The following CAMTA1 variants were observed in gnomAD, a reference collection of about 807,000 sequenced individuals.
The protein encoded by CAMTA1 is calmodulin binding transcription activator 1.
A neutral mutation model predicts 170.9 loss-of-function variants in CAMTA1; 27 were observed. The observed-to-expected ratio is 0.16, with a 90% CI of 0.12 to 0.22. CAMTA1 has a LOEUF of 0.22. CAMTA1 is among the 10% of genes least tolerant of loss of function. The pLI, the probability that CAMTA1 is intolerant of heterozygous loss-of-function variation, is 1.00. For synonymous variants in CAMTA1, 833 were observed against 891.5 expected, an observed-to-expected ratio of 0.93 and a Z score of 1.17; for missense variants, 1,619 against 2,217.2, an observed-to-expected ratio of 0.73 and a Z score of 5.42.
chr1:7,277,762 C>T (rs1171698503), intron 5 of CAMTA1, among the ~76,000 whole-genome samples: 1 of 128,948 alleles, frequency 7.8e-6, no homozygotes, highest in Non-Finnish European at 1.6e-5. Context: ...CACATACACA[C>T]ACATACACAC....
At position 7,587,954 on chromosome 1, in the gene CAMTA1, A is replaced by G. The variant is rs180826341; in HGVS notation, c.511-52446A>G. On this transcript the variant is annotated intron_variant, in intron 6 of 22. Transcript: ENST00000303635. ...CCAGAACCCGCCTCCCTCGGCCCAG[A>G]TGGCAGCTGTAGCTTCTGGGAGAAC... Among the ~76,000 whole-genome samples the G allele has an allele frequency of 8.5e-5, 13 of 152,272 alleles. No homozygotes were observed. In the East Asian group the frequency reaches 2.5e-3, roughly 29 times the overall value.
intron 3 of CAMTA1, among the ~76,000 whole-genome samples, chr1:7,061,350 G>T (rs2101751407): frequency 6.6e-6 from 1 of 152,324 alleles, no homozygotes; most frequent in South Asian, 2.1e-4. Flanking sequence ...AGCGCGCACA[G>T]TTGCTAATCC....
intron 2 of CAMTA1, 106 bp from the exon 3 acceptor site, chr1:6,824,986 G>T: frequency 1.7e-6 from 1 of 597,296 alleles, no homozygotes; most frequent in Non-Finnish European, 3.0e-6. Context: ...TGATGCTCTT[G>T]GTCTCACATT....
chr1:7,451,162 T>C (rs997411078), intron 5 of CAMTA1, among the ~76,000 whole-genome samples: 3 of 152,162 alleles, frequency 2.0e-5, no homozygotes, highest in African/African-American at 7.2e-5. Context: ...GCCAGCCCCA[T>C]CTCTCCCCGT....
intron 4 of CAMTA1, 50 bp downstream of exon 4, chr1:7,091,421 G>T (rs1264710505): frequency 7.6e-7 from 1 of 1,315,406 alleles, no homozygotes; most frequent in South Asian, 1.2e-5. Flanking sequence ...TAAGTGGATT[G>T]ATTTGCATTG....
At chr1:7,464,770 G>C (rs75117920) in intron 5 of CAMTA1, among the ~76,000 whole-genome samples, 1 of 152,106 alleles carries the variant, frequency 6.6e-6, no homozygotes, top group South Asian at 2.1e-4. Context: ...GGAGCATCCC[G>C]AGGGTTCCAT....
chr1:7,618,276 TCTCAGCCTATATCA>T (rs1178840132), intron 6 of CAMTA1, among the ~76,000 whole-genome samples: 1 of 152,182 alleles, frequency 6.6e-6, no homozygotes, highest in Non-Finnish European at 1.5e-5. Context: ...AGAGATGGCA[TCTCAGCCTATATCA>T]CCTCCCAAGC....
At chr1:7,356,690 C>G (rs2085140684) in intron 5 of CAMTA1, among the ~76,000 whole-genome samples, 1 of 152,144 alleles carries the variant, frequency 6.6e-6, no homozygotes, top group African/African-American at 2.4e-5. Context: ...CCCAGCCTGC[C>G]CCATTCCTGG....
At chr1:7,137,771 A>C (rs1413871860) in intron 4 of CAMTA1, among the ~76,000 whole-genome samples, 2 of 152,032 alleles carry the variant, frequency 1.3e-5, no homozygotes. Flanking sequence ...CACCTTCTCA[A>C]GGAGGCTCAA....
chr1:6,936,002 GT>G (rs1231447475), intron 3 of CAMTA1, among the ~76,000 whole-genome samples: 1 of 152,200 alleles, frequency 6.6e-6, no homozygotes, highest in African/African-American at 2.4e-5. Context: ...AGGTCTAACT[GT>G]TTAAGGTTAT....
intron 3 of CAMTA1, among the ~76,000 whole-genome samples, chr1:6,846,813 C>T (rs1658349404): frequency 6.6e-6 from 1 of 152,102 alleles, no homozygotes; most frequent in Non-Finnish European, 1.5e-5. Flanking sequence ...CAAGGAGACA[C>T]TCTTGGTCAG....
At chr1:7,722,670 C>T (rs1037880065) in intron 11 of CAMTA1, among the ~76,000 whole-genome samples, 3 of 151,954 alleles carry the variant, frequency 2.0e-5, no homozygotes, top group Non-Finnish European at 4.4e-5. Flanking sequence ...GGAGTTAAAC[C>T]TGAAGGTCTC....
At chr1:7,388,810 C>T (rs1168501163) in intron 5 of CAMTA1, among the ~76,000 whole-genome samples, 4 of 152,206 alleles carry the variant, frequency 2.6e-5, no homozygotes, top group African/African-American at 9.6e-5. Flanking sequence ...CCCATCCTGT[C>T]CCATGGGGGG....
intron 5 of CAMTA1, among the ~76,000 whole-genome samples, chr1:7,265,311 A>T (rs1668749856): frequency 6.7e-6 from 1 of 148,944 alleles, no homozygotes; most frequent in East Asian, 2.0e-4. Flanking sequence ...TAGCTTTTTA[A>T]TTTTTTTTTT....
In CAMTA1 at chr1:6,999,690, C is replaced by T. The variant is rs1032623020; in HGVS notation, c.235-91614C>T. On this transcript the variant is annotated intron_variant, in intron 3 of 22. Transcript: ENST00000303635. Reference sequence around the variant, plus strand: ...CCCGGCCGGGTCTTTTTTCTTAGAGCGGTTGTACTCCTTGGATGTTTGGTT... The same window carrying T: ...CCCGGCCGGGTCTTTTTTCTTAGAGTGGTTGTACTCCTTGGATGTTTGGTT... 4.6e-5 allele frequency among the ~76,000 whole-genome samples: 7 copies of T among 152,178 alleles called. No homozygotes were observed. In the East Asian group the frequency reaches 7.7e-4, roughly 17 times the overall value.
chr1:7,696,250 A>G lies in CAMTA1; in HGVS notation c.2914+18517A>G, dbSNP rs183295636. Among the ~76,000 whole-genome samples the G allele has an allele frequency of 1.8e-4, 27 of 152,272 alleles. 1 individual carries two copies. The East Asian group carries it at 4.6e-3, about 26-fold the overall frequency. On this transcript the variant is annotated intron_variant, in intron 11 of 22. Coordinates refer to ENST00000303635, the MANE Select transcript of CAMTA1 (RefSeq NM_015215.4). ...CTCACACTGTCACCCAGGCCAGAGT[A>G]CAGTGGCGCAATCTCGGCTCATTGC...
chr1:7,141,865 G>A lies in CAMTA1; in HGVS notation c.302+50494G>A, dbSNP rs1481911597. 5.3e-5 allele frequency among the ~76,000 whole-genome samples: 8 copies of A among 152,306 alleles called. No homozygotes were observed. In the East Asian group the frequency reaches 1.5e-3, roughly 29 times the overall value. On this transcript the variant is annotated intron_variant, in intron 4 of 22. Transcript: ENST00000303635. ...TATTGACTGGTCATCAGACGGGAAT[G>A]GAACTTATGGATCATCTCATTTCAT...
intron 6 of CAMTA1, among the ~76,000 whole-genome samples, chr1:7,549,082 C>T (rs1249810095): frequency 7.4e-6 from 1 of 135,780 alleles, no homozygotes; most frequent in African/African-American, 2.8e-5. Context: ...GAGGGTGCCT[C>T]CTTAGGGGTG....
At chr1:6,820,780 A>G (rs1646400906) in intron 2 of CAMTA1, among the ~76,000 whole-genome samples, 3 of 152,184 alleles carry the variant, frequency 2.0e-5, no homozygotes, top group Admixed American at 2.0e-4. Flanking sequence ...GTAGAGTCCC[A>G]CAAGTGCTTA....
Sources: gnomAD v4.1 joint callset for allele counts (sites outside exome capture counted in the v4.1 genomes callset) on GRCh38, gnomAD v4.1.1 for gene constraint, MANE v1.5 for transcripts, NCBI Gene and HGNC (gene_info 2026-07-23, HGNC 2026-07-21) for gene names.